Variants in ROBO2 observed in about 807,000 individuals in gnomAD.
The protein encoded by ROBO2 is roundabout guidance receptor 2.
Under a neutral mutation model 160.8 loss-of-function variants are expected in ROBO2, and 53 were observed. That is an observed-to-expected ratio of 0.33 (90% CI 0.26 to 0.41). The LOEUF (loss-of-function observed/expected upper bound fraction) is 0.41. ROBO2 is among the 10% of genes least tolerant of loss of function. ROBO2 has a pLI of 1.00. For synonymous variants in ROBO2, 664 were observed against 611.7 expected (o/e 1.09, Z -1.26); for missense variants, 1,577 against 1,722.4 (o/e 0.92, Z 1.49).
chr3:76,874,080 C>A (rs775898341), intron 2 of ROBO2, among the ~76,000 whole-genome samples: 41 of 152,160 alleles, frequency 2.7e-4, no homozygotes, highest in Middle Eastern at 6.8e-3. Context: ...AGTGGGCCAG[C>A]CACAGTTGAT....
intron 2 of ROBO2, among the ~76,000 whole-genome samples, chr3:77,390,825 A>G (rs1393001632): frequency 1.3e-5 from 2 of 152,182 alleles, no homozygotes; most frequent in South Asian, 2.1e-4. Flanking sequence ...AAGTGTTAAT[A>G]GTTCTTATTG....
At chr3:76,997,985 A>G (rs2061117877) in intron 2 of ROBO2, among the ~76,000 whole-genome samples, 2 of 152,222 alleles carry the variant, frequency 1.3e-5, no homozygotes, top group Admixed American at 1.3e-4. Context: ...AGGGAGCACA[A>G]AAGAACATAA....
intron 2 of ROBO2, among the ~76,000 whole-genome samples, chr3:76,847,993 G>T (rs1335415176): frequency 1.3e-5 from 2 of 151,774 alleles, no homozygotes; most frequent in East Asian, 1.9e-4. Flanking sequence ...TGGAATTAAA[G>T]AAAAAAATGT....
intron 2 of ROBO2, among the ~76,000 whole-genome samples, chr3:77,203,902 C>T (rs541999196): frequency 6.6e-6 from 1 of 152,188 alleles, no homozygotes; most frequent in Admixed American, 6.5e-5. Context: ...AAACTTATGC[C>T]CTTAATTATG....
At chr3:77,229,479 A>G (rs2086894178) in intron 2 of ROBO2, among the ~76,000 whole-genome samples, 1 of 151,574 alleles carries the variant, frequency 6.6e-6, no homozygotes, top group Non-Finnish European at 1.5e-5. Flanking sequence ...GGATAAAATT[A>G]TTCTTTTATT....
intron 5 of ROBO2, among the ~76,000 whole-genome samples, chr3:77,502,330 A>G (rs964324570): frequency 6.6e-6 from 1 of 152,210 alleles, no homozygotes; most frequent in Non-Finnish European, 1.5e-5. Context: ...CACATGTTAA[A>G]GTTTTGAAAA....
intron 2 of ROBO2, among the ~76,000 whole-genome samples, chr3:75,978,092 C>G (rs1388024915): frequency 1.3e-5 from 2 of 151,466 alleles, no homozygotes; most frequent in Non-Finnish European, 3.0e-5. Flanking sequence ...CTGAAAAAAT[C>G]AGCGATAGTA....
At chr3:76,894,403 A>G (rs919348524) in intron 2 of ROBO2, among the ~76,000 whole-genome samples, 2 of 152,132 alleles carry the variant, frequency 1.3e-5, no homozygotes, top group Non-Finnish European at 2.9e-5. Context: ...ATGTTTTACT[A>G]TCTTAAATTG....
At chr3:77,183,812 A>G (rs775505583) in intron 2 of ROBO2, among the ~76,000 whole-genome samples, 3 of 152,084 alleles carry the variant, frequency 2.0e-5, no homozygotes, top group Non-Finnish European at 4.4e-5. Flanking sequence ...TTCCCAGAGT[A>G]AGCACCAATA....
intron 2 of ROBO2, among the ~76,000 whole-genome samples, chr3:76,109,975 TG>T (rs545095224): frequency 7.9e-5 from 12 of 151,884 alleles, no homozygotes; most frequent in Middle Eastern, 3.4e-3. Context: ...CCATTCAGGT[TG>T]CTGAAAAACA....
intron 2 of ROBO2, among the ~76,000 whole-genome samples, chr3:76,499,357 A>G (rs950605587): frequency 6.6e-6 from 1 of 152,196 alleles, no homozygotes; most frequent in Admixed American, 6.5e-5. Flanking sequence ...TGAAAAAATG[A>G]TATCTTGTAT....
chr3:76,589,436 G>C (rs1224798680), intron 2 of ROBO2, among the ~76,000 whole-genome samples: 1 of 152,112 alleles, frequency 6.6e-6, no homozygotes, highest in Non-Finnish European at 1.5e-5. Flanking sequence ...GAGTAGCTGG[G>C]ACTACAGGCG....
At chr3:76,836,698 A>G (rs1478724167) in intron 2 of ROBO2, among the ~76,000 whole-genome samples, 1 of 151,702 alleles carries the variant, frequency 6.6e-6, no homozygotes, top group Non-Finnish European at 1.5e-5. Flanking sequence ...AGATATCTAG[A>G]TATCTTTCTT....
At chr3:76,491,652 A>T (rs2079831508) in intron 2 of ROBO2, among the ~76,000 whole-genome samples, 1 of 152,110 alleles carries the variant, frequency 6.6e-6, no homozygotes, top group South Asian at 2.1e-4. Flanking sequence ...TATATTGAAA[A>T]TTTTCTTAAG....
intron 2 of ROBO2, among the ~76,000 whole-genome samples, chr3:76,948,892 ATATATATATATATATATTTTT>A (rs1272008547): frequency 2.7e-4 from 7 of 25,876 alleles, no homozygotes; most frequent in Admixed American, 1.1e-3. Context: ...ATATATATAT[ATATATATATATATATATTTTT>A]TTTTTTTTTT....
upstream of ROBO2, among the ~76,000 whole-genome samples, chr3:77,036,167 A>T (rs1486347702): frequency 5.9e-5 from 9 of 151,992 alleles, no homozygotes; most frequent in Non-Finnish European, 8.8e-5. Flanking sequence ...TGGGTTGATT[A>T]TCTAATCTTC....
intron 2 of ROBO2, among the ~76,000 whole-genome samples, chr3:77,403,573 AGTGTGTGTGTGTGT>A (rs57545425): frequency 1.6e-3 from 211 of 129,466 alleles, no homozygotes; most frequent in African/African-American, 4.8e-3. Context: ...TAGTTATTTC[AGTGTGTGTGTGTGT>A]GTGTGTGTGT....
At position 76,141,060 on chromosome 3, in the gene ROBO2, C is replaced by CATATATATAT. The variant is rs55691222; in HGVS notation, c.109+203466_109+203475dup. Among the ~76,000 whole-genome samples the CATATATATAT allele has an allele frequency of 1.2e-3, 64 of 53,586 alleles. 7 individuals carry two copies. The East Asian group carries it at 0.025, about 21-fold the overall frequency. 35.2% of individuals were successfully genotyped at this position (53,586 alleles called of 152,430 possible). A position where few individuals can be genotyped will look rare whatever the true frequency, so the allele number is the denominator to read the frequency against. ...ACACACACAGATGTCTTTTTACATACATATATATATATATATAAAATATAT... is the reference window on the plus strand; with the variant it reads ...ACACACACAGATGTCTTTTTACATACATATATATATATATATATATATATATAAAATATAT... On this transcript the variant is annotated intron_variant, in intron 2 of 26. Coordinates refer to the ROBO2 transcript ENST00000487694.
chr3:77,482,697 C>G (rs1560961936), intron 4 of ROBO2, among the ~76,000 whole-genome samples: 1 of 152,286 alleles, frequency 6.6e-6, no homozygotes, highest in South Asian at 2.1e-4. Context: ...ATAAGAGTCT[C>G]AAGATGTGCT....
Sources: gnomAD v4.1 joint callset for allele counts (sites outside exome capture counted in the v4.1 genomes callset) on GRCh38, gnomAD v4.1.1 for gene constraint, MANE v1.5 for transcripts, NCBI Gene and HGNC (gene_info 2026-07-23, HGNC 2026-07-21) for gene names.